SLC66A2: variants seen among roughly 807,000 people sequenced by gnomAD.
SLC66A2 encodes PQ loop repeat containing 1.
A neutral mutation model predicts 25.5 loss-of-function variants in SLC66A2; 23 were observed. The ratio of observed to expected loss-of-function variants is 0.90; its 90% CI spans 0.65 to 1.28. The LOEUF (loss-of-function observed/expected upper bound fraction) is 1.28. Among genes scored for constraint, SLC66A2 ranks in the 50% most tolerant of loss-of-function variants. The pLI is 0.00. For missense variants in SLC66A2, 396 were observed against 373.1 expected, an observed-to-expected ratio of 1.06 and a Z score of -0.51; for synonymous variants, 193 against 166.5, an observed-to-expected ratio of 1.16 and a Z score of -1.23.
rs1270459646 is a variant in SLC66A2, at chr18:79,903,173, G to C, written c.*803C>G. On this transcript the variant is annotated 3_prime_UTR_variant, in exon 6 of 6. Coordinates refer to ENST00000397778, the MANE Select transcript of SLC66A2 (RefSeq NM_025078.5). ...AGAGCCCAAGAGTGGCGTGCAGACTGCATGTGCACAGCCTCAGCCCGGCCC... is the reference window on the plus strand; with the variant it reads ...AGAGCCCAAGAGTGGCGTGCAGACTCCATGTGCACAGCCTCAGCCCGGCCC... 6.6e-6 allele frequency: 1 copy of C among 152,358 alleles called. No individual in the cohort carries two copies. Among genetic ancestry groups the C allele is most frequent in the Non-Finnish European group, 1.5e-5 (1 of 68,144 alleles). The allele number at this position is 152,358 out of a possible 1,614,324, so 9.4% of individuals were successfully genotyped here. A position where few individuals can be genotyped will look rare whatever the true frequency, so the allele number is the denominator to read the frequency against.
chr18:79,909,121 C>T (rs1982559232), intron 5 of SLC66A2, among the ~76,000 whole-genome samples: 1 of 152,226 alleles, frequency 6.6e-6, no homozygotes, highest in South Asian at 2.1e-4. Flanking sequence ...GTTGCTTTTC[C>T]TGCTACCAAG....
intron 5 of SLC66A2, among the ~76,000 whole-genome samples, chr18:79,910,696 A>G (rs540951280): frequency 3.9e-5 from 6 of 152,362 alleles, no homozygotes; most frequent in African/African-American, 7.2e-5. Flanking sequence ...AAATAGAGAA[A>G]CGTGGCACCC....
intron 2 of SLC66A2, among the ~76,000 whole-genome samples, chr18:79,950,115 G>A (rs1568345519): frequency 6.6e-6 from 1 of 152,118 alleles, no homozygotes; most frequent in Non-Finnish European, 1.5e-5. Flanking sequence ...GCCCAGTGGG[G>A]AGGGATGCTT....
intron 5 of SLC66A2, among the ~76,000 whole-genome samples, chr18:79,907,694 G>T (rs1982337807): frequency 1.3e-5 from 2 of 151,952 alleles, no homozygotes; most frequent in Non-Finnish European, 2.9e-5. Context: ...TCCCAAATGG[G>T]AGTGATTATG....
chr18:79,905,870 A>AACACAC (rs751958644), intron 5 of SLC66A2, among the ~76,000 whole-genome samples: 1 of 152,158 alleles, frequency 6.6e-6, no homozygotes, highest in Admixed American at 6.5e-5. Context: ...TAACTCTGTA[A>AACACAC]ACACACACAC....
chr18:79,909,554 C>CTCACCAGAGTCCCCAGCCTTCCCCACCAT (rs373831394), intron 5 of SLC66A2, among the ~76,000 whole-genome samples: 3 of 92,812 alleles, frequency 3.2e-5, no homozygotes, highest in Non-Finnish European at 6.5e-5. Context: ...TTCCCCACAC[C>CTCACCAGAGTCCCCAGCCTTCCCCACCAT]CTCACCAGAG....
rs528947623 is a variant in SLC66A2 at position 79,941,881 on chromosome 18, T to C, written c.337+1448A>G. 62 of 151,628 alleles carry C rather than the reference T, an allele frequency of 4.1e-4. No individual in the cohort carries two copies. The highest frequency in any genetic ancestry group is 1.4e-3 in the African/African-American group (58 of 41,308). 9.4% of individuals were successfully genotyped at this position (151,628 alleles called of 1,614,324 possible). A position where few individuals can be genotyped will look rare whatever the true frequency, so the allele number is the denominator to read the frequency against. On this transcript the variant is annotated intron_variant, in intron 3 of 5. Coordinates refer to ENST00000397778, the MANE Select transcript of SLC66A2 (RefSeq NM_025078.5). This position sits in a 1 kb window ranked among gnomAD's most constrained non-coding sequence, Gnocchi z 4.1. The stretch of plus-strand genomic sequence containing the variant: ...ACGCACTGGGCATCTTAGGCACAAA[T>C]GTCCAGAGCCCGAGGACAGCAGAAA...
intron 4 of SLC66A2, among the ~76,000 whole-genome samples, chr18:79,926,277 T>C (rs564851073): frequency 1.3e-5 from 2 of 152,340 alleles, no homozygotes; most frequent in South Asian, 2.1e-4. Flanking sequence ...TTTCACTTTA[T>C]GGATTCACCT....
intron 4 of SLC66A2, among the ~76,000 whole-genome samples, chr18:79,928,988 G>C (rs1986287990): frequency 6.6e-6 from 1 of 152,178 alleles, no homozygotes; most frequent in Non-Finnish European, 1.5e-5. Context: ...TTCTGTCCTG[G>C]GGATGGCGGT....
chr18:79,951,060 A>G (rs2051105939), intron 1 of SLC66A2, 35 bp from the exon 2 acceptor site: 1 of 599,026 alleles, frequency 1.7e-6, no homozygotes, highest in East Asian at 3.9e-5. Flanking sequence ...AGTTCCGCCC[A>G]GGGAGGCTGG....
chr18:79,917,236 C>G lies in SLC66A2; in HGVS notation c.608+1948G>C, dbSNP rs754859022. ...GTTTGAAGAGGATTCCCACGTCCCCCCAGCTGACGGGGCAGCCCCTGGGCT... is the reference window on the plus strand; with the variant it reads ...GTTTGAAGAGGATTCCCACGTCCCCGCAGCTGACGGGGCAGCCCCTGGGCT... On this transcript the variant is annotated intron_variant, in intron 5 of 5. Coordinates refer to ENST00000397778, the MANE Select transcript of SLC66A2 (RefSeq NM_025078.5). The surrounding 1 kb of genome is among the most constrained non-coding windows in gnomAD (Gnocchi z 6.0). 2.0e-5 allele frequency among the ~76,000 whole-genome samples: 3 copies of G among 152,374 alleles called. No individual in the cohort carries two copies. In the South Asian group the frequency reaches 6.2e-4, roughly 32 times the overall value.
In SLC66A2 at chr18:79,941,184, C is replaced by T. The variant is rs1345408224; in HGVS notation, c.337+2145G>A. Among the ~76,000 whole-genome samples, 1 of 152,214 alleles carries T rather than the reference C, an allele frequency of 6.6e-6. No homozygotes were observed. Among genetic ancestry groups the T allele is most frequent in the Non-Finnish European group, 1.5e-5 (1 of 68,042 alleles). On this transcript the variant is annotated intron_variant, in intron 3 of 5. Transcript: ENST00000397778. The surrounding 1 kb of genome is among the most constrained non-coding windows in gnomAD (Gnocchi z 4.1). ...GCTGTGTCTCCTACCCATTCAAGTACAGGCAGAACTCAGCTCCCCGTGGTC... is the reference window on the plus strand; with the variant it reads ...GCTGTGTCTCCTACCCATTCAAGTATAGGCAGAACTCAGCTCCCCGTGGTC...
intron 2 of SLC66A2, among the ~76,000 whole-genome samples, chr18:79,950,209 C>A (rs1223547438): frequency 1.3e-5 from 2 of 151,886 alleles, no homozygotes; most frequent in Non-Finnish European, 2.9e-5. Flanking sequence ...ACAAAAAAAA[C>A]AATTAGCCGG....
At chr18:79,945,797 C>G (rs2050905760) in intron 2 of SLC66A2, among the ~76,000 whole-genome samples, 1 of 152,232 alleles carries the variant, frequency 6.6e-6, no homozygotes, top group African/African-American at 2.4e-5. Flanking sequence ...ATCGCAACCC[C>G]CAAGGCTGGA....
chr18:79,909,407 G>T (rs565270706), intron 5 of SLC66A2, among the ~76,000 whole-genome samples: 19 of 151,838 alleles, frequency 1.3e-4, no homozygotes, highest in Non-Finnish European at 2.4e-4. Flanking sequence ...TCCTCACCAC[G>T]ATGTACCCAA....
At position 79,937,594 on chromosome 18, in the gene SLC66A2, C is replaced by G. The variant is rs1252382653; in HGVS notation, c.338-3572G>C. On this transcript the variant is annotated intron_variant, in intron 3 of 5. Transcript: ENST00000397778. The surrounding 1 kb of genome is among the most constrained non-coding windows in gnomAD (Gnocchi z 5.4). ...GCTCCAGCTAACAGACAACAAACAT[C>G]CTGCAGCCCCTGATGAGCTGACGGC... Among the ~76,000 whole-genome samples, 1 of 152,176 alleles carries G rather than the reference C, an allele frequency of 6.6e-6. No homozygotes were observed. Among genetic ancestry groups the G allele is most frequent in the Non-Finnish European group, 1.5e-5 (1 of 68,030 alleles).
intron 4 of SLC66A2, among the ~76,000 whole-genome samples, chr18:79,923,062 G>A (rs1353788013): frequency 1.3e-5 from 2 of 151,846 alleles, no homozygotes; most frequent in African/African-American, 4.8e-5. Flanking sequence ...CTGGAAAGGG[G>A]CTGCACAGGA....
chr18:79,930,885 G>A (rs1986502353), intron 4 of SLC66A2, among the ~76,000 whole-genome samples: 1 of 152,114 alleles, frequency 6.6e-6, no homozygotes, highest in Admixed American at 6.5e-5. Context: ...AAAATATATT[G>A]TTAGGTTGTA....
intron 4 of SLC66A2, 92 bp downstream of exon 4, chr18:79,933,877 T>G (rs1423826956): frequency 8.8e-7 from 1 of 1,142,048 alleles, no homozygotes; most frequent in Non-Finnish European, 1.3e-6. Context: ...CGCACGCACA[T>G]GCACAGATGG....
Sources: gnomAD v4.1 joint callset for allele counts (sites outside exome capture counted in the v4.1 genomes callset) on GRCh38, gnomAD v4.1.1 for gene constraint, Gnocchi (gnomAD v3.1) non-coding constraint, MANE v1.5 for transcripts, NCBI Gene and HGNC (gene_info 2026-07-23, HGNC 2026-07-21) for gene names.